The following AUTS2 variants were observed in gnomAD, a reference collection of about 807,000 sequenced individuals.
AUTS2 encodes autism susceptibility gene 2 protein.
AUTS2 carries 17 observed loss-of-function variants against 112.4 expected under a neutral mutation model. The ratio of observed to expected loss-of-function variants is 0.15; its 90% CI spans 0.10 to 0.23. The LOEUF is 0.23. Ranked by LOEUF, AUTS2 falls within the 10% of genes least tolerant of loss-of-function variation. The probability of loss-of-function intolerance (pLI) is 1.00; values close to 1 mark genes in which losing one functional copy is unlikely to be tolerated. For synonymous variants in AUTS2, 751 were observed against 702.7 expected (o/e 1.07, Z -1.09); for missense variants, 1,510 against 1,701.6 (o/e 0.89, Z 1.98).
chr7:69,966,302 A>G (rs1020311200), intron 2 of AUTS2, among the ~76,000 whole-genome samples: 3 of 152,198 alleles, frequency 2.0e-5, no homozygotes, highest in African/African-American at 7.2e-5. Context: ...CCAACAGCAA[A>G]GGGACTTGAG....
At chr7:70,063,820 G>C (rs1009907190) in intron 2 of AUTS2, among the ~76,000 whole-genome samples, 7 of 152,160 alleles carry the variant, frequency 4.6e-5, no homozygotes, top group African/African-American at 9.7e-5. Context: ...TGTCAGGAAG[G>C]CATAAAGAAC....
rs1202240406 is a variant in AUTS2 at position 70,736,247 on chromosome 7, CTG to C, written c.743-26622_743-26621del. The stretch of plus-strand genomic sequence containing the variant: ...TTACACCGGAATAAATTCAATTGAA[CTG>C]AAGAGTTAAATATGTATTACAAAAA... On this transcript the variant is annotated intron_variant, in intron 6 of 18. Transcript: ENST00000342771. 6.6e-5 allele frequency among the ~76,000 whole-genome samples: 10 copies of C among 151,386 alleles called. No individual in the cohort carries two copies. The East Asian group carries it at 1.7e-3, about 26-fold the overall frequency.
intron 2 of AUTS2, among the ~76,000 whole-genome samples, chr7:70,004,267 ATATATATGAATGTGT>A (rs1356975263): frequency 7.7e-5 from 10 of 130,264 alleles, no homozygotes; most frequent in African/African-American, 2.8e-4. Flanking sequence ...TGAATATATT[ATATATATGAATGTGT>A]TATATATGAA....
chr7:70,367,790 A>G (rs1042504399), intron 4 of AUTS2, among the ~76,000 whole-genome samples: 2 of 152,196 alleles, frequency 1.3e-5, no homozygotes, highest in Non-Finnish European at 2.9e-5. Flanking sequence ...ACAGAAAGAT[A>G]TGAATCTTCT....
intron 5 of AUTS2, among the ~76,000 whole-genome samples, chr7:70,619,717 T>C (rs550031418): frequency 1.3e-5 from 2 of 152,202 alleles, no homozygotes; most frequent in Non-Finnish European, 2.9e-5. Context: ...TAAGGGAGAA[T>C]TGCCTGTTTG....
chr7:69,932,829 T>C (rs1433932911), intron 2 of AUTS2, among the ~76,000 whole-genome samples: 1 of 152,236 alleles, frequency 6.6e-6, no homozygotes, highest in African/African-American at 2.4e-5. Flanking sequence ...AAGTTACCGT[T>C]GAGAATTTGG....
At chr7:70,190,438 T>C (rs992078021) in intron 4 of AUTS2, among the ~76,000 whole-genome samples, 4 of 152,254 alleles carry the variant, frequency 2.6e-5, no homozygotes, top group Admixed American at 6.5e-5. Flanking sequence ...AATTCCTTAA[T>C]TGTCTATTGC....
At chr7:70,088,442 A>G (rs1252163187) in intron 2 of AUTS2, among the ~76,000 whole-genome samples, 1 of 149,828 alleles carries the variant, frequency 6.7e-6, no homozygotes, top group Non-Finnish European at 1.5e-5. Flanking sequence ...TTTCATTCAT[A>G]TTCTTTATTG....
Position 69,827,629 on chromosome 7 carries a change from CATTTAA to C in AUTS2, c.310-71656_310-71651del, listed in dbSNP as rs1480145230. Among the ~76,000 whole-genome samples the C allele has an allele frequency of 3.3e-5, 5 of 152,138 alleles. No individual in the cohort carries two copies. In the East Asian group the frequency reaches 9.7e-4, roughly 29 times the overall value. On this transcript the variant is annotated intron_variant, in intron 1 of 18. Coordinates refer to ENST00000342771, the MANE Select transcript of AUTS2 (RefSeq NM_015570.4). The stretch of plus-strand genomic sequence containing the variant: ...GGGAGGTGGAGAAAAGCACTCCTTC[CATTTAA>C]GGGGAAGTAAGCACTTGACTTCATC...
chr7:70,614,209 T>G (rs745842071), intron 5 of AUTS2, among the ~76,000 whole-genome samples: 6 of 152,126 alleles, frequency 3.9e-5, no homozygotes, highest in Non-Finnish European at 8.8e-5. Flanking sequence ...GAAATTCCTC[T>G]GGGAAAGGAA....
intron 6 of AUTS2, among the ~76,000 whole-genome samples, chr7:70,761,414 C>T (rs1374111094): frequency 6.6e-6 from 1 of 152,228 alleles, no homozygotes; most frequent in Non-Finnish European, 1.5e-5. Context: ...AGAAAGTTAA[C>T]GCCCAGGGCA....
At chr7:69,806,179 C>T (rs967429125) in intron 1 of AUTS2, among the ~76,000 whole-genome samples, 5 of 148,050 alleles carry the variant, frequency 3.4e-5, no homozygotes, top group African/African-American at 1.2e-4. Flanking sequence ...AGATGGGAGC[C>T]ACCATGCCCA....
At chr7:69,917,289 CTTT>C (rs11313164) in intron 2 of AUTS2, among the ~76,000 whole-genome samples, 17 of 133,278 alleles carry the variant, frequency 1.3e-4, no homozygotes, top group Non-Finnish European at 1.4e-4. Context: ...CTTTTTTTTT[CTTT>C]TTTTTTTTTT....
intron 1 of AUTS2, among the ~76,000 whole-genome samples, chr7:69,680,666 A>T (rs1423096875): frequency 3.3e-5 from 5 of 151,770 alleles, no homozygotes; most frequent in Admixed American, 6.6e-5. Flanking sequence ...GAATCTGAGT[A>T]TTTTATTTTA....
chr7:70,344,924 T>G (rs969044653), intron 4 of AUTS2, among the ~76,000 whole-genome samples: 1 of 152,238 alleles, frequency 6.6e-6, no homozygotes, highest in Non-Finnish European at 1.5e-5. Flanking sequence ...TCTGGCCGCC[T>G]GTTGTACTCT....
At chr7:69,630,978 C>G (rs536691120) in intron 1 of AUTS2, among the ~76,000 whole-genome samples, 26 of 151,746 alleles carry the variant, frequency 1.7e-4, no homozygotes, top group Non-Finnish European at 3.1e-4. Context: ...ACTCATTTAT[C>G]CACGTCTTGA....
intron 2 of AUTS2, among the ~76,000 whole-genome samples, chr7:69,992,333 G>A (rs1478897088): frequency 6.6e-6 from 1 of 152,180 alleles, no homozygotes; most frequent in Non-Finnish European, 1.5e-5. Flanking sequence ...CCAAAATAAA[G>A]ATAAGCATAT....
chr7:70,779,010 T>C (rs1273915116), intron 14 of AUTS2, among the ~76,000 whole-genome samples: 1 of 152,226 alleles, frequency 6.6e-6, no homozygotes, highest in Non-Finnish European at 1.5e-5. Flanking sequence ...GAACATGAGA[T>C]AACTTCGTTC....
At chr7:70,349,249 G>A (rs1032213764) in intron 4 of AUTS2, among the ~76,000 whole-genome samples, 6 of 152,206 alleles carry the variant, frequency 3.9e-5, no homozygotes, top group African/African-American at 1.4e-4. Flanking sequence ...GTGCGACTTA[G>A]AGCAGCCTGT....
Sources: allele counts gnomAD v4.1 joint callset (sites outside exome capture counted in the v4.1 genomes callset), GRCh38; gene constraint gnomAD v4.1.1; transcripts MANE v1.5; gene names NCBI Gene and HGNC (gene_info 2026-07-23, HGNC 2026-07-21).